Variants in CNTN5 observed in about 807,000 individuals in gnomAD.
The protein encoded by CNTN5 is contactin 5.
In CNTN5, 77 loss-of-function variants were observed where a neutral mutation model predicts 129.1. The observed-to-expected ratio is 0.60, with a 90% CI of 0.50 to 0.72. The LOEUF (loss-of-function observed/expected upper bound fraction) is 0.72, where lower values mean the gene tolerates loss of function less well. Ranked by LOEUF, CNTN5 falls within the 30% of genes least tolerant of loss-of-function variation. The pLI is 0.00. For missense variants in CNTN5, 1,478 were observed against 1,328.8 expected (o/e 1.11, Z -1.75); for synonymous variants, 509 against 465.6 (o/e 1.09, Z -1.20).
intron 1 of CNTN5, among the ~76,000 whole-genome samples, chr11:99,156,166 G>T (rs188834248): frequency 6.0e-4 from 91 of 151,944 alleles, no homozygotes; most frequent in Middle Eastern, 6.8e-3. Context: ...TACAGAAAAA[G>T]AAATGTCATT....
chr11:100,354,801 T>A lies in CNTN5; in HGVS notation c.3200-1316T>A, dbSNP rs149356135. On this transcript the variant is annotated intron_variant, in intron 24 of 24. Transcript: ENST00000524871. Reference sequence around the variant, plus strand: ...ATACTGTACTGAATACTGTAGGTAATTGTAACACAGTGCTATTTGTGTATC... The same window carrying A: ...ATACTGTACTGAATACTGTAGGTAAATGTAACACAGTGCTATTTGTGTATC... 4.5e-3 allele frequency among the ~76,000 whole-genome samples: 678 copies of A among 151,732 alleles called. 20 individuals carry two copies. The highest frequency in any genetic ancestry group is 3.7e-3 in the East Asian group (19 of 5,142).
At chr11:100,130,406 C>G (rs1414330033) in intron 13 of CNTN5, among the ~76,000 whole-genome samples, 6 of 152,052 alleles carry the variant, frequency 3.9e-5, no homozygotes, top group African/African-American at 1.5e-4. Context: ...TATAACAGAA[C>G]AGAATTTAAT....
rs922495795 is a variant in CNTN5, at chr11:100,351,262, G to A, written c.3199+392G>A. 3.3e-5 allele frequency among the ~76,000 whole-genome samples: 5 copies of A among 151,398 alleles called. No homozygotes were observed. The Admixed American group carries it at 3.3e-4, about 10-fold the overall frequency. On this transcript the variant is annotated intron_variant, in intron 24 of 24. Transcript: ENST00000524871. The stretch of plus-strand genomic sequence containing the variant: ...TAGACAATAAGGAATTTAAAGAGAA[G>A]CTTTTAAAATTGAAATGTGACCATA...
At chr11:99,771,750 C>T (rs545320898) in intron 3 of CNTN5, among the ~76,000 whole-genome samples, 1 of 151,910 alleles carries the variant, frequency 6.6e-6, no homozygotes, top group South Asian at 2.1e-4. Context: ...GTTAATAATG[C>T]CGTATTGTAA....
At chr11:99,795,019 T>C (rs1033287224) in intron 3 of CNTN5, among the ~76,000 whole-genome samples, 9 of 152,216 alleles carry the variant, frequency 5.9e-5, no homozygotes, top group African/African-American at 2.2e-4. Context: ...AATATGTTTT[T>C]CAAGTTACTT....
intron 3 of CNTN5, among the ~76,000 whole-genome samples, chr11:99,731,161 T>G (rs771341255): frequency 2.6e-4 from 39 of 151,786 alleles, no homozygotes; most frequent in Non-Finnish European, 3.5e-4. Flanking sequence ...CAGGCTGGAG[T>G]GCAGTGGCGC....
At chr11:99,983,330 G>C (rs553955310) in intron 8 of CNTN5, among the ~76,000 whole-genome samples, 1 of 152,168 alleles carries the variant, frequency 6.6e-6, no homozygotes, top group Non-Finnish European at 1.5e-5. Flanking sequence ...TTAGTTTATG[G>C]AGTGGAGAAA....
intron 3 of CNTN5, among the ~76,000 whole-genome samples, chr11:99,661,585 A>G (rs1157642582): frequency 3.3e-5 from 5 of 152,066 alleles, no homozygotes; most frequent in Admixed American, 1.3e-4. Context: ...TGTTTGCATA[A>G]CAACCACTAT....
chr11:99,679,649 A>G (rs1953465373), intron 3 of CNTN5, among the ~76,000 whole-genome samples: 1 of 152,144 alleles, frequency 6.6e-6, no homozygotes, highest in Non-Finnish European at 1.5e-5. Context: ...TTATTCCCTA[A>G]GAGACAACAC....
At chr11:100,111,428 C>T (rs1464123878) in intron 13 of CNTN5, among the ~76,000 whole-genome samples, 1 of 152,074 alleles carries the variant, frequency 6.6e-6, no homozygotes, top group Non-Finnish European at 1.5e-5. Context: ...CTTTGTGATC[C>T]AGAGGCATGG....
chr11:99,256,340 G>A (rs1342641481), intron 1 of CNTN5, among the ~76,000 whole-genome samples: 1 of 151,966 alleles, frequency 6.6e-6, no homozygotes, highest in African/African-American at 2.4e-5. Context: ...AGAGAAATGA[G>A]TGTTCCTTTG....
At chr11:99,920,902 G>A (rs1949921868) in intron 7 of CNTN5, among the ~76,000 whole-genome samples, 1 of 152,156 alleles carries the variant, frequency 6.6e-6, no homozygotes, top group African/African-American at 2.4e-5. Flanking sequence ...GGTATTTGGA[G>A]ATGGGGCTTT....
intron 1 of CNTN5, among the ~76,000 whole-genome samples, chr11:99,236,748 C>T (rs890800004): frequency 6.6e-6 from 1 of 152,010 alleles, no homozygotes; most frequent in East Asian, 1.9e-4. Context: ...TACATACGAT[C>T]GAAGTAACTG....
intron 2 of CNTN5, among the ~76,000 whole-genome samples, chr11:99,382,913 G>A (rs201786055): frequency 7.7e-6 from 1 of 130,710 alleles, no homozygotes; most frequent in South Asian, 2.4e-4. Context: ...CTGGAGTGCA[G>A]TAGCCTGATC....
intron 13 of CNTN5, among the ~76,000 whole-genome samples, chr11:100,086,555 T>C (rs1944566226): frequency 6.6e-6 from 1 of 151,022 alleles, no homozygotes; most frequent in Non-Finnish European, 1.5e-5. Context: ...CATATATATG[T>C]ATGTGTGTGT....
chr11:99,815,503 G>A (rs6590355), intron 3 of CNTN5, among the ~76,000 whole-genome samples: 10,739 of 152,172 alleles, frequency 0.071, 564 homozygotes, highest in African/African-American at 0.15. Context: ...AAGACCATAC[G>A]ACTGATGAAA....
intron 1 of CNTN5, among the ~76,000 whole-genome samples, chr11:99,299,085 T>C (rs893126168): frequency 6.6e-6 from 1 of 152,110 alleles, no homozygotes; most frequent in Non-Finnish European, 1.5e-5. Context: ...TTTTTCTATC[T>C]TCAACTTCAC....
chr11:99,568,379 A>G (rs1223907345), intron 3 of CNTN5, among the ~76,000 whole-genome samples: 1 of 152,232 alleles, frequency 6.6e-6, no homozygotes, highest in African/African-American at 2.4e-5. Context: ...TTATATTATC[A>G]TTTGTTAAGC....
In CNTN5 at chr11:99,494,299, T is replaced by A. The variant is rs1175082995; in HGVS notation, c.-70-61846T>A. On this transcript the variant is annotated intron_variant, in intron 2 of 24. Coordinates refer to ENST00000524871, the MANE Select transcript of CNTN5 (RefSeq NM_014361.4). ...AGGTGTAACTCCAAAATAATGGAGTTGCAATACCCTTTTACTTTCTCACCA... is the reference window on the plus strand; with the variant it reads ...AGGTGTAACTCCAAAATAATGGAGTAGCAATACCCTTTTACTTTCTCACCA... 2.0e-5 allele frequency among the ~76,000 whole-genome samples: 3 copies of A among 152,216 alleles called. No individual in the cohort carries two copies. The East Asian group carries it at 5.8e-4, about 29-fold the overall frequency.
Sources: gnomAD v4.1 joint callset for allele counts (sites outside exome capture counted in the v4.1 genomes callset) on GRCh38, gnomAD v4.1.1 for gene constraint, MANE v1.5 for transcripts, NCBI Gene and HGNC (gene_info 2026-07-23, HGNC 2026-07-21) for gene names.